Variants in NALF1 observed in about 807,000 individuals in gnomAD.
The protein encoded by NALF1 is family with sequence similarity 155 member A.
A neutral mutation model predicts 48.4 loss-of-function variants in NALF1; 3 were observed. That is an observed-to-expected ratio of 0.06 (90% CI 0.03 to 0.16). The LOEUF (loss-of-function observed/expected upper bound fraction) is 0.16. Ranked by LOEUF, NALF1 falls within the 10% of genes least tolerant of loss-of-function variation. The pLI is 1.00. For synonymous variants in NALF1, 262 were observed against 245.7 expected (o/e 1.07, Z -0.62); for missense variants, 526 against 571.5 (o/e 0.92, Z 0.81).
At chr13:107,338,724 T>C (rs573952011) in intron 1 of NALF1, among the ~76,000 whole-genome samples, 9 of 152,336 alleles carry the variant, frequency 5.9e-5, no homozygotes, top group Admixed American at 2.6e-4. Flanking sequence ...TATTACATAA[T>C]ACAGTTGTGA....
intron 1 of NALF1, among the ~76,000 whole-genome samples, chr13:107,446,449 T>G (rs1046017061): frequency 6.6e-6 from 1 of 151,068 alleles, no homozygotes; most frequent in Non-Finnish European, 1.5e-5. Flanking sequence ...TTTTACTAAA[T>G]TGGAATTACA....
At chr13:107,728,926 A>T (rs1249602273) in intron 1 of NALF1, among the ~76,000 whole-genome samples, 1 of 152,210 alleles carries the variant, frequency 6.6e-6, no homozygotes, top group African/African-American at 2.4e-5. Flanking sequence ...AGAAAGATAA[A>T]GCCATGCAAT....
At chr13:107,706,697 G>A (rs947846722) in intron 1 of NALF1, among the ~76,000 whole-genome samples, 1 of 152,142 alleles carries the variant, frequency 6.6e-6, no homozygotes, top group African/African-American at 2.4e-5. Context: ...ACATAAAGTA[G>A]GCTGTACTAG....
At chr13:107,861,028 G>A (rs1332583442) in intron 1 of NALF1, among the ~76,000 whole-genome samples, 3 of 152,154 alleles carry the variant, frequency 2.0e-5, no homozygotes, top group Non-Finnish European at 4.4e-5. Context: ...CTAAAAATAT[G>A]TATTCCATGG....
intron 1 of NALF1, among the ~76,000 whole-genome samples, chr13:107,502,531 A>C (rs1294422296): frequency 6.6e-6 from 1 of 152,176 alleles, no homozygotes; most frequent in African/African-American, 2.4e-5. Context: ...CCTGTTCCAC[A>C]TGGTTACCAT....
At chr13:107,326,976 C>T (rs1187667269) in intron 1 of NALF1, among the ~76,000 whole-genome samples, 2 of 152,058 alleles carry the variant, frequency 1.3e-5, no homozygotes, top group South Asian at 2.1e-4. Flanking sequence ...GATTCCCTCA[C>T]ATGATCCAGC....
intron 1 of NALF1, among the ~76,000 whole-genome samples, chr13:107,445,251 T>A (rs1431048651): frequency 6.6e-6 from 1 of 152,210 alleles, no homozygotes; most frequent in African/African-American, 2.4e-5. Context: ...CCCTCTGCCC[T>A]CTCTCCGAAG....
intron 1 of NALF1, among the ~76,000 whole-genome samples, chr13:107,644,343 C>T (rs553156347): frequency 7.9e-5 from 12 of 151,526 alleles, no homozygotes; most frequent in Admixed American, 3.9e-4. Flanking sequence ...CAGAAACATA[C>T]GTCTATTACT....
intron 1 of NALF1, among the ~76,000 whole-genome samples, chr13:107,273,908 T>C (rs116543800): frequency 0.03 from 4,554 of 152,236 alleles, 69 homozygotes; most frequent in Middle Eastern, 0.054. Context: ...TGGTGGGTAG[T>C]TCCCTGCAGC....
chr13:107,464,340 T>A (rs1193457028), intron 1 of NALF1, among the ~76,000 whole-genome samples: 1 of 152,040 alleles, frequency 6.6e-6, no homozygotes, highest in Non-Finnish European at 1.5e-5. Context: ...AATATTTAAG[T>A]GTGGAATAGA....
chr13:107,171,467 C>T (rs61965356), intron 2 of NALF1, among the ~76,000 whole-genome samples: 5,544 of 152,338 alleles, frequency 0.036, 155 homozygotes, highest in Non-Finnish European at 0.059. Flanking sequence ...TTCATCTTCT[C>T]ATTTGATCTG....
At position 107,299,464 on chromosome 13, in the gene NALF1, AT is replaced by A. The variant is rs1881793136; in HGVS notation, c.916-88710del. ...AATAATAATAATAATAATAATAATA[AT>A]AATAATAAATAAATAAATAAATAAA... On this transcript the variant is annotated intron_variant, in intron 1 of 2. Transcript: ENST00000375915. Among the ~76,000 whole-genome samples, 16 of 46,018 alleles carry A rather than the reference AT, an allele frequency of 3.5e-4. No homozygotes were observed. The South Asian group carries it at 0.011, about 32-fold the overall frequency. The allele number at this position is 46,018 out of a possible 152,430, so 30.2% of individuals were successfully genotyped here.
chr13:107,577,476 A>G lies in NALF1; in HGVS notation c.915+288206T>C, dbSNP rs557762148. Among the ~76,000 whole-genome samples, 4 of 13,264 alleles carry G rather than the reference A, an allele frequency of 3.0e-4. No homozygotes were observed. In the South Asian group the frequency reaches 0.022, roughly 73 times the overall value. 8.7% of individuals were successfully genotyped at this position (13,264 alleles called of 152,430 possible). A position where few individuals can be genotyped will look rare whatever the true frequency, so the allele number is the denominator to read the frequency against. On this transcript the variant is annotated intron_variant, in intron 1 of 2. Coordinates refer to ENST00000375915, the MANE Select transcript of NALF1 (RefSeq NM_001080396.3). ...TGGGAGAGAAAGCTAGATATCTGCAATACCCCCAAATTATCAAGTCAGTAG... is the reference window on the plus strand; with the variant it reads ...TGGGAGAGAAAGCTAGATATCTGCAGTACCCCCAAATTATCAAGTCAGTAG...
chr13:107,465,988 C>T (rs1884995471), intron 1 of NALF1: 1 of 152,952 alleles, frequency 6.5e-6, no homozygotes, highest in Non-Finnish European at 1.5e-5. Context: ...GGGAAATTTA[C>T]AAAAGAAAGT....
chr13:107,191,635 C>T (rs1431185450), intron 2 of NALF1, among the ~76,000 whole-genome samples: 1 of 151,838 alleles, frequency 6.6e-6, no homozygotes, highest in African/African-American at 2.4e-5. Flanking sequence ...AGTCACTCTA[C>T]GCCATGTGAG....
At chr13:107,473,422 C>T (rs1885131002) in intron 1 of NALF1, among the ~76,000 whole-genome samples, 2 of 152,110 alleles carry the variant, frequency 1.3e-5, no homozygotes, top group African/African-American at 2.4e-5. Context: ...AAGTGTTCTC[C>T]GCGTTCTCCA....
chr13:107,177,265 G>A (rs548096054), intron 2 of NALF1, among the ~76,000 whole-genome samples: 11 of 152,136 alleles, frequency 7.2e-5, no homozygotes, highest in Non-Finnish European at 1.6e-4. Context: ...GGAAGAATCA[G>A]TATTGTTAAA....
chr13:107,708,918 T>C (rs1037465612), intron 1 of NALF1, among the ~76,000 whole-genome samples: 1 of 152,174 alleles, frequency 6.6e-6, no homozygotes, highest in Non-Finnish European at 1.5e-5. Flanking sequence ...CTAAGTAAAG[T>C]GTGTTTATCA....
chr13:107,414,155 T>C (rs909275697), intron 1 of NALF1, among the ~76,000 whole-genome samples: 3 of 152,136 alleles, frequency 2.0e-5, no homozygotes, highest in Non-Finnish European at 2.9e-5. Context: ...TTTATTATTA[T>C]AAGCATATAA....
Sources: allele counts gnomAD v4.1 joint callset (sites outside exome capture counted in the v4.1 genomes callset), GRCh38; gene constraint gnomAD v4.1.1; transcripts MANE v1.5; gene names NCBI Gene and HGNC (gene_info 2026-07-23, HGNC 2026-07-21).